RIMS2: variants seen among roughly 807,000 people sequenced by gnomAD.
RIMS2 encodes the protein regulating synaptic membrane exocytosis protein 2.
In RIMS2, 59 loss-of-function variants were observed where a neutral mutation model predicts 174.4. That is an observed-to-expected ratio of 0.34 (90% CI 0.27 to 0.42). RIMS2 has a LOEUF of 0.42. Among genes scored for constraint, RIMS2 ranks in the 10% least tolerant of loss-of-function variants. The pLI is 1.00. For missense variants in RIMS2, 1,620 were observed against 1,666.3 expected, an observed-to-expected ratio of 0.97 and a Z score of 0.48; for synonymous variants, 606 against 572.5, an observed-to-expected ratio of 1.06 and a Z score of -0.84.
chr8:103,846,801 TA>T lies in RIMS2; in HGVS notation c.699-38496del, dbSNP rs528615873. ...CTTGTGACCATAACTGATACTTAAATATTTTTTTCCACTTTTACTGATTTGG... is the reference window on the plus strand; with the variant it reads ...CTTGTGACCATAACTGATACTTAAATTTTTTTTCCACTTTTACTGATTTGG... On this transcript the variant is annotated intron_variant, in intron 3 of 23. Transcript: ENST00000504942. 3.9e-5 allele frequency among the ~76,000 whole-genome samples: 6 copies of T among 152,218 alleles called. No individual in the cohort carries two copies. In the South Asian group the frequency reaches 1.2e-3, roughly 32 times the overall value.
At chr8:103,789,347 C>A (rs1028036787) in intron 3 of RIMS2, among the ~76,000 whole-genome samples, 1 of 152,084 alleles carries the variant, frequency 6.6e-6, no homozygotes, top group Admixed American at 6.5e-5. Context: ...TGTTTGGGAT[C>A]TCTCTGACTT....
intron 17 of RIMS2, among the ~76,000 whole-genome samples, chr8:103,990,949 T>C (rs2094651344): frequency 6.6e-6 from 1 of 151,968 alleles, no homozygotes; most frequent in Non-Finnish European, 1.5e-5. Context: ...CATAATACTT[T>C]ATAAATATTT....
intron 13 of RIMS2, among the ~76,000 whole-genome samples, chr8:103,939,356 C>T (rs115491333): frequency 1.5e-3 from 223 of 152,336 alleles, no homozygotes; most frequent in African/African-American, 4.7e-3. Context: ...CACCCTCTGA[C>T]GCCATGGCCC....
intron 1 of RIMS2, among the ~76,000 whole-genome samples, chr8:103,642,581 CTTCT>C (rs1411172337): frequency 6.6e-6 from 1 of 151,952 alleles, no homozygotes; most frequent in Non-Finnish European, 1.5e-5. Context: ...AAATGAAAAA[CTTCT>C]TTTTAATATT....
At chr8:103,580,516 G>T (rs1246760025) in intron 1 of RIMS2, among the ~76,000 whole-genome samples, 1 of 151,932 alleles carries the variant, frequency 6.6e-6, no homozygotes, top group African/African-American at 2.4e-5. Flanking sequence ...TAACAATTAT[G>T]AATTTCTGTG....
chr8:104,152,089 A>C (rs117154357), intron 19 of RIMS2, among the ~76,000 whole-genome samples: 194 of 152,304 alleles, frequency 1.3e-3, no homozygotes, highest in Non-Finnish European at 2.2e-3. Flanking sequence ...AGCTCTATTG[A>C]CCATACATTG....
At chr8:103,994,546 T>C (rs1370691250) in intron 17 of RIMS2, among the ~76,000 whole-genome samples, 1 of 152,180 alleles carries the variant, frequency 6.6e-6, no homozygotes, top group Non-Finnish European at 1.5e-5. Context: ...TTTAATAATG[T>C]CCATTAATTT....
At chr8:103,659,529 C>G (rs2096571342) in intron 1 of RIMS2, among the ~76,000 whole-genome samples, 1 of 152,170 alleles carries the variant, frequency 6.6e-6, no homozygotes, top group Non-Finnish European at 1.5e-5. Flanking sequence ...GGAGCCGGCC[C>G]CGGAGGACAG....
intron 2 of RIMS2, among the ~76,000 whole-genome samples, chr8:103,749,134 C>T (rs1186949346): frequency 1.5e-5 from 2 of 137,210 alleles, no homozygotes; most frequent in African/African-American, 2.7e-5. Flanking sequence ...TTTTTTGAGA[C>T]GGGGTCTCCC....
chr8:103,992,481 T>C (rs2094789225), intron 17 of RIMS2, among the ~76,000 whole-genome samples: 1 of 151,776 alleles, frequency 6.6e-6, no homozygotes, highest in African/African-American at 2.4e-5. Flanking sequence ...GTAGAATGAA[T>C]GTAGGGCATG....
intron 1 of RIMS2, among the ~76,000 whole-genome samples, chr8:103,586,015 T>C (rs966643736): frequency 1.3e-5 from 2 of 149,648 alleles, no homozygotes; most frequent in East Asian, 3.9e-4. Context: ...TGCTATAAAA[T>C]GATAAAAGGG....
chr8:104,049,998 G>C (rs561952709), intron 19 of RIMS2, among the ~76,000 whole-genome samples: 21 of 152,186 alleles, frequency 1.4e-4, no homozygotes, highest in African/African-American at 4.1e-4. Context: ...GTGAATATAT[G>C]AGTCTTTATT....
At chr8:103,541,374 T>G (rs1842500726) in intron 1 of RIMS2, among the ~76,000 whole-genome samples, 1 of 152,180 alleles carries the variant, frequency 6.6e-6, no homozygotes, top group Admixed American at 6.5e-5. Context: ...AACCAATACT[T>G]TACCCACAAA....
intron 1 of RIMS2, among the ~76,000 whole-genome samples, chr8:103,546,860 C>T (rs917649228): frequency 3.3e-5 from 5 of 152,198 alleles, no homozygotes; most frequent in South Asian, 2.1e-4. Context: ...TTCTGACCAG[C>T]TTTGCTTTTC....
intron 1 of RIMS2, among the ~76,000 whole-genome samples, chr8:103,506,547 G>A (rs188516762): frequency 6.6e-6 from 1 of 152,062 alleles, no homozygotes; most frequent in African/African-American, 2.4e-5. Flanking sequence ...TACTATTTGA[G>A]TAATAACACC....
chr8:103,578,926 G>A (rs781685496), intron 1 of RIMS2, among the ~76,000 whole-genome samples: 6 of 151,968 alleles, frequency 3.9e-5, no homozygotes, highest in Non-Finnish European at 8.8e-5. Flanking sequence ...GAAGGTGGAG[G>A]TTGCACTGAG....
intron 19 of RIMS2, among the ~76,000 whole-genome samples, chr8:104,225,399 T>C (rs568959948): frequency 2.6e-4 from 40 of 152,312 alleles, no homozygotes; most frequent in African/African-American, 9.4e-4. Context: ...TAGTAAGTGA[T>C]GAGGCTAGAA....
chr8:103,989,936 A>G (rs1430481325), intron 17 of RIMS2, among the ~76,000 whole-genome samples: 1 of 152,168 alleles, frequency 6.6e-6, no homozygotes, highest in Non-Finnish European at 1.5e-5. Context: ...CCTTTTAAGC[A>G]TCTTAAAGAT....
intron 19 of RIMS2, among the ~76,000 whole-genome samples, chr8:104,071,652 G>A (rs959933983): frequency 3.3e-5 from 5 of 152,124 alleles, no homozygotes; most frequent in South Asian, 2.1e-4. Flanking sequence ...TAGCCAGGAT[G>A]GTCTCAATCT....
Sources: allele counts gnomAD v4.1 joint callset (sites outside exome capture counted in the v4.1 genomes callset), GRCh38; gene constraint gnomAD v4.1.1; transcripts MANE v1.5; gene names NCBI Gene and HGNC (gene_info 2026-07-23, HGNC 2026-07-21).